The following CLPX variants were observed in gnomAD, a reference collection of about 807,000 sequenced individuals.
The protein encoded by CLPX is caseinolytic mitochondrial matrix peptidase chaperone subunit X.
A neutral mutation model predicts 76.4 loss-of-function variants in CLPX; 34 were observed. The ratio of observed to expected loss-of-function variants is 0.45; its 90% CI spans 0.34 to 0.59. The LOEUF is 0.59. CLPX is among the 20% of genes least tolerant of loss of function. The probability of loss-of-function intolerance (pLI) is 0.01; values close to 1 mark genes in which losing one functional copy is unlikely to be tolerated. For missense variants in CLPX, 613 were observed against 757.0 expected, an observed-to-expected ratio of 0.81 and a Z score of 2.23; for synonymous variants, 248 against 270.9, an observed-to-expected ratio of 0.92 and a Z score of 0.83.
chr15:65,164,805 G>C (rs1021736957), intron 4 of CLPX, among the ~76,000 whole-genome samples: 1 of 150,736 alleles, frequency 6.6e-6, no homozygotes, highest in South Asian at 2.1e-4. Flanking sequence ...TTTTGATACA[G>C]GGTCTCACTG....
chr15:65,184,589 A>T (rs972985083), intron 1 of CLPX: 1 of 159,292 alleles, frequency 6.3e-6, no homozygotes, highest in Non-Finnish European at 1.4e-5. Context: ...CGGGACGGCC[A>T]GCTGGGTGCC....
chr15:65,184,861 AAGG>A (rs1281708716), intron 1 of CLPX, among the ~76,000 whole-genome samples: 4 of 152,246 alleles, frequency 2.6e-5, no homozygotes, highest in Non-Finnish European at 4.4e-5. Flanking sequence ...GGCGCGTGGG[AAGG>A]AGTTTACTTC....
At chr15:65,178,806 G>A in intron 3 of CLPX, 128 bp downstream of exon 3, 1 of 460,272 alleles carries the variant, frequency 2.2e-6, no homozygotes, top group Non-Finnish European at 3.8e-6. Flanking sequence ...AAAGTGCTAG[G>A]ATTATAGGCA....
intron 3 of CLPX, among the ~76,000 whole-genome samples, chr15:65,170,153 G>A (rs894434692): frequency 3.9e-5 from 6 of 152,026 alleles, no homozygotes; most frequent in African/African-American, 1.4e-4. Context: ...CAAGTAGCTG[G>A]GTTTGGACAT....
intron 3 of CLPX, among the ~76,000 whole-genome samples, chr15:65,172,983 G>A (rs935497850): frequency 1.3e-5 from 2 of 152,126 alleles, no homozygotes; most frequent in African/African-American, 2.4e-5. Flanking sequence ...CCACTGCATC[G>A]TAGCCTGGGC....
intron 3 of CLPX, among the ~76,000 whole-genome samples, chr15:65,168,519 G>C (rs1257930567): frequency 1.4e-5 from 2 of 141,036 alleles, no homozygotes; most frequent in Non-Finnish European, 3.0e-5. Context: ...AACACCGCAT[G>C]TTCTCACTCA....
intron 6 of CLPX, among the ~76,000 whole-genome samples, chr15:65,160,617 T>A (rs1393081878): frequency 2.2e-5 from 3 of 133,874 alleles, no homozygotes; most frequent in South Asian, 5.2e-4. Flanking sequence ...TCTCTCTCTC[T>A]CTCTCTCACA....
Position 65,185,055 on chromosome 15 carries a change from G to A in CLPX, c.79+20C>T, listed in dbSNP as rs1211564775. On this transcript the variant is annotated intron_variant, in intron 1 of 13. Transcript: ENST00000300107. ...CCCCCCCGACAGGCTGAGGGCTCAG[G>A]AGTGGCACTATTTCGTTACCTCTCT... 3.8e-6 allele frequency: 6 copies of A among 1,559,190 alleles called. No individual in the cohort carries two copies. The South Asian group carries it at 5.9e-5, about 15-fold the overall frequency.
rs769328077 is a variant in CLPX, at chr15:65,164,000, CTATT to C, written c.673+25_673+28del. 2.1e-5 allele frequency: 34 copies of C among 1,588,500 alleles called. No homozygotes were observed. The Admixed American group carries it at 3.0e-4, about 14-fold the overall frequency. On this transcript the variant is annotated intron_variant, in intron 5 of 13. Transcript: ENST00000300107. ...AGATTACTTTTAAGCATAGCAATCT[CTATT>C]TAGGTCAATTATCAAAAACGCTACC...
At chr15:65,172,954 A>G (rs2088031146) in intron 3 of CLPX, among the ~76,000 whole-genome samples, 1 of 152,182 alleles carries the variant, frequency 6.6e-6, no homozygotes, top group African/African-American at 2.4e-5. Flanking sequence ...AGGTGAGGCT[A>G]CTGTCAGCTA....
chr15:65,162,568 A>C, intron 6 of CLPX, 36 bp downstream of exon 6: 1 of 1,430,916 alleles, frequency 7.0e-7, no homozygotes, highest in Non-Finnish European at 9.8e-7. Flanking sequence ...TGTCAAAAGG[A>C]AGAATGATTA....
At chr15:65,168,764 C>T (rs181258169) in intron 3 of CLPX, among the ~76,000 whole-genome samples, 139 of 151,802 alleles carry the variant, frequency 9.2e-4, no homozygotes, top group Non-Finnish European at 1.5e-3. Flanking sequence ...AAAAACTTTG[C>T]GGATACACAG....
At chr15:65,167,392 C>G (rs1249304801) in intron 3 of CLPX, among the ~76,000 whole-genome samples, 2 of 152,024 alleles carry the variant, frequency 1.3e-5, no homozygotes, top group East Asian at 3.9e-4. Flanking sequence ...TTTAAAACCT[C>G]TTTGAGAATA....
chr15:65,160,621 T>A lies in CLPX; in HGVS notation c.716-1870A>T, dbSNP rs866737063. Among the ~76,000 whole-genome samples the A allele has an allele frequency of 8.5e-3, 1,092 of 128,392 alleles. 3 individuals are homozygous for A. Among genetic ancestry groups the A allele is most frequent in the Non-Finnish European group, 0.012 (751 of 61,346 alleles). 84.2% of individuals were successfully genotyped at this position (128,392 alleles called of 152,430 possible). A position where few individuals can be genotyped will look rare whatever the true frequency, so the allele number is the denominator to read the frequency against. Reference sequence around the variant, plus strand: ...CTCTCTCTCTCTCTCTCTCTCTCTCTCTCACACACACACACACACACACAC... The same window carrying A: ...CTCTCTCTCTCTCTCTCTCTCTCTCACTCACACACACACACACACACACAC... On this transcript the variant is annotated intron_variant, in intron 6 of 13. Coordinates refer to ENST00000300107, the MANE Select transcript of CLPX (RefSeq NM_006660.5).
intron 1 of CLPX, among the ~76,000 whole-genome samples, chr15:65,181,715 C>G (rs1361295946): frequency 6.6e-6 from 1 of 151,406 alleles, no homozygotes; most frequent in African/African-American, 2.4e-5. Context: ...CGCCACTGTA[C>G]TCCAGCCTGT....
chr15:65,169,254 G>A (rs905966706), intron 3 of CLPX, among the ~76,000 whole-genome samples: 4 of 151,682 alleles, frequency 2.6e-5, no homozygotes, highest in African/African-American at 9.7e-5. Flanking sequence ...GCGCCCGGCC[G>A]ATGCCTGCCT....
At position 65,152,429 on chromosome 15, in the gene CLPX, C is replaced by T; in HGVS notation, c.1811+1G>A. ...TGTTCTGGCTTGAAAATACACTTTA[C>T]CGGATGTATCCTGGTTCCTTTTTTC... On this transcript the variant is annotated splice_donor_variant, in intron 13 of 13. Coordinates refer to ENST00000300107, the MANE Select transcript of CLPX (RefSeq NM_006660.5). LOFTEE classifies it high-confidence loss of function. 6.8e-7 allele frequency: 1 copy of T among 1,467,966 alleles called. No homozygotes were observed. The highest frequency in any genetic ancestry group is 9.2e-7 in the Non-Finnish European group (1 of 1,089,156). 90.9% of individuals were successfully genotyped at this position (1,467,966 alleles called of 1,614,324 possible). A position where few individuals can be genotyped will look rare whatever the true frequency, so the allele number is the denominator to read the frequency against.
chr15:65,154,905 A>T lies in CLPX; in HGVS notation c.1488T>A (p.Phe496Leu), dbSNP rs753494621. 6.2e-7 allele frequency: 1 copy of T among 1,614,196 alleles called. No individual in the cohort carries two copies. The highest frequency in any genetic ancestry group is 1.1e-5 in the South Asian group (1 of 91,078). The change falls in exon 11 of 14, where the codon TTT becomes TTA. Residue 496 changes from phenylalanine to leucine, a missense_variant. Physicochemically the swap from Phe to Leu is conservative, Grantham distance 22. Transcript: ENST00000300107. ...GAACCACCACAGGCAACCGTCCCAC[A>T]AACTCAGGAATCATGCCAAACTCAA... is the stretch of plus-strand genomic sequence containing the variant. ...DLIEFGMIPE[F>L]VGRLPVVVPL...
chr15:65,150,877 G>T lies in CLPX; in HGVS notation c.1848C>A (p.Asp616Glu). 1 of 1,612,440 alleles carries T rather than the reference G, an allele frequency of 6.2e-7. No individual in the cohort carries two copies. The highest frequency in any genetic ancestry group is 8.5e-7 in the Non-Finnish European group (1 of 1,179,162). Residue 616 changes from aspartate (D) to glutamate (E), a missense_variant, in exon 14 of 14, where the codon GAC becomes GAA. By Grantham distance (45) the Asp-to-Glu change is conservative. Around this residue, in one of 2 missense-constraint regions of CLPX, gnomAD observed 450 missense variants for 638.6 expected, o/e 0.70. Coordinates refer to ENST00000300107, the MANE Select transcript of CLPX (RefSeq NM_006660.5). ...GCCATCCTTCTTCTTCAACTCCAGA[G>T]TCATACTCCTCTTCAGAGGATTCTT... The part of the protein sequence containing the change: ...PTKESSEEEY[D>E]SGVEEEGWPR...
Sources: gnomAD v4.1 joint callset for allele counts (sites outside exome capture counted in the v4.1 genomes callset) on GRCh38, gnomAD v4.1.1 for gene constraint, gnomAD v4.1.1 regional missense constraint, MANE v1.5 for transcripts, NCBI Gene and HGNC (gene_info 2026-07-23, HGNC 2026-07-21) for gene names.